The following TRPM3 variants were observed in gnomAD, a reference collection of about 807,000 sequenced individuals.
TRPM3 encodes long transient receptor potential channel 3.
Under a neutral mutation model 181.2 loss-of-function variants are expected in TRPM3, and 77 were observed. That is an observed-to-expected ratio of 0.42 (90% CI 0.35 to 0.51). TRPM3 has a LOEUF of 0.51. Ranked by LOEUF, TRPM3 falls within the 20% of genes least tolerant of loss-of-function variation. The pLI is 0.01. For synonymous variants in TRPM3, 745 were observed against 796.4 expected (o/e 0.94, Z 1.09); for missense variants, 1,759 against 2,196.7 (o/e 0.80, Z 3.98).
intron 1 of TRPM3, among the ~76,000 whole-genome samples, chr9:71,268,753 C>A (rs372465113): frequency 1.3e-5 from 2 of 152,062 alleles, no homozygotes; most frequent in Non-Finnish European, 2.9e-5. Context: ...ACCCAGGGAA[C>A]GGAGGTTGCA....
intron 1 of TRPM3, among the ~76,000 whole-genome samples, chr9:71,288,797 A>C (rs2085521923): frequency 6.6e-6 from 1 of 152,160 alleles, no homozygotes; most frequent in South Asian, 2.1e-4. Flanking sequence ...CCCAACAGAT[A>C]GGCAGTCAGA....
intron 1 of TRPM3, among the ~76,000 whole-genome samples, chr9:71,346,360 G>A (rs2091293624): frequency 1.3e-5 from 2 of 152,254 alleles, no homozygotes; most frequent in Middle Eastern, 3.4e-3. Context: ...CTTTGTCTCT[G>A]CATCTCACTG....
chr9:71,401,057 G>T (rs2093330735), intron 1 of TRPM3, among the ~76,000 whole-genome samples: 1 of 151,944 alleles, frequency 6.6e-6, no homozygotes, highest in African/African-American at 2.4e-5. Flanking sequence ...AATTGGCCAG[G>T]TGTGATGGCA....
intron 1 of TRPM3, among the ~76,000 whole-genome samples, chr9:71,019,619 T>C (rs1450044162): frequency 1.3e-5 from 2 of 152,016 alleles, no homozygotes; most frequent in East Asian, 1.9e-4. Flanking sequence ...GATTCATGGA[T>C]TGGAATATTG....
intron 1 of TRPM3, among the ~76,000 whole-genome samples, chr9:70,977,593 G>A (rs2097317520): frequency 6.6e-6 from 1 of 152,174 alleles, no homozygotes; most frequent in Non-Finnish European, 1.5e-5. Flanking sequence ...CACACATTAA[G>A]GGCTCAGTCC....
chr9:70,573,620 A>C (rs2132212520), intron 22 of TRPM3, among the ~76,000 whole-genome samples: 1 of 152,280 alleles, frequency 6.6e-6, no homozygotes, highest in South Asian at 2.1e-4. Context: ...AAAACAAAAA[A>C]CAAAAAAACC....
chr9:70,692,759 T>G (rs1461445890), intron 8 of TRPM3, among the ~76,000 whole-genome samples: 1 of 152,242 alleles, frequency 6.6e-6, no homozygotes, highest in Non-Finnish European at 1.5e-5. Context: ...ATTTTCACTT[T>G]CCTGATTTTT....
chr9:70,540,858 A>G (rs1310151360), intron 25 of TRPM3, among the ~76,000 whole-genome samples: 1 of 152,100 alleles, frequency 6.6e-6, no homozygotes, highest in African/African-American at 2.4e-5. Flanking sequence ...GAGTAGCTGG[A>G]ACCACAGGCA....
At chr9:70,940,582 T>TA (rs747688541) in intron 1 of TRPM3, among the ~76,000 whole-genome samples, 1 of 151,942 alleles carries the variant, frequency 6.6e-6, no homozygotes, top group Non-Finnish European at 1.5e-5. Context: ...ACTAAGGAAG[T>TA]AAAAAAAGAA....
At chr9:70,559,152 G>C (rs913668024) in intron 22 of TRPM3, among the ~76,000 whole-genome samples, 5 of 152,130 alleles carry the variant, frequency 3.3e-5, no homozygotes, top group African/African-American at 1.2e-4. Flanking sequence ...CAAGATTTTT[G>C]TCTCTCTTGT....
At chr9:70,628,322 C>A in intron 12 of TRPM3, among the ~76,000 whole-genome samples, 2 of 152,258 alleles carry the variant, frequency 1.3e-5, no homozygotes, top group South Asian at 4.1e-4. Context: ...TCAGCTGCCC[C>A]GGGCTTCTAT....
chr9:71,285,039 G>A (rs1356549646), intron 1 of TRPM3, among the ~76,000 whole-genome samples: 1 of 152,134 alleles, frequency 6.6e-6, no homozygotes, highest in Admixed American at 6.5e-5. Flanking sequence ...CATAGAACAG[G>A]TAAATCCAGA....
At position 71,121,537 on chromosome 9, in the gene TRPM3, G is replaced by A. The variant is rs142112351; in HGVS notation, c.-183C>T. The A allele has an allele frequency of 2.1e-3, 2,878 of 1,391,664 alleles. 6 individuals carry two copies. Among genetic ancestry groups the A allele is most frequent in the Non-Finnish European group, 2.4e-3 (2,574 of 1,076,054 alleles). The allele number at this position is 1,391,664 out of a possible 1,614,324, so 86.2% of individuals were successfully genotyped here. ...ATGGAGGCACACTGCCTGCTGCTTC[G>A]GGGAGGGGATGCACGATTTTGAAGA... On this transcript the variant is annotated 5_prime_UTR_variant, in exon 1 of 26. Coordinates refer to ENST00000677713, the MANE Select transcript of TRPM3 (RefSeq NM_001366145.2).
chr9:71,421,984 ATGT>A (rs1467544674), intron 1 of TRPM3, among the ~76,000 whole-genome samples: 4 of 151,950 alleles, frequency 2.6e-5, no homozygotes, highest in Non-Finnish European at 4.4e-5. Context: ...CTTCTCAAAA[ATGT>A]TGTTTTTTTT....
At chr9:71,318,240 G>T (rs914061893) in intron 1 of TRPM3, among the ~76,000 whole-genome samples, 5 of 152,188 alleles carry the variant, frequency 3.3e-5, no homozygotes. Context: ...TAAAATAGGA[G>T]ATGACATTGT....
chr9:70,699,671 C>T (rs947367777), intron 8 of TRPM3, among the ~76,000 whole-genome samples: 3 of 152,152 alleles, frequency 2.0e-5, no homozygotes, highest in Admixed American at 2.0e-4. Flanking sequence ...AAGATTTGAC[C>T]TCAGATCTGG....
chr9:70,785,104 C>T (rs1326947552), intron 6 of TRPM3, among the ~76,000 whole-genome samples: 1 of 151,988 alleles, frequency 6.6e-6, no homozygotes, highest in Non-Finnish European at 1.5e-5. Flanking sequence ...CTGCCATCTG[C>T]CATTATTGCA....
intron 1 of TRPM3, among the ~76,000 whole-genome samples, chr9:71,366,203 G>C (rs993860479): frequency 6.6e-6 from 1 of 152,126 alleles, no homozygotes; most frequent in African/African-American, 2.4e-5. Flanking sequence ...TTAAGGCCCA[G>C]GTTGTTAAAA....
At chr9:71,134,314 C>G (rs1367511462) in intron 1 of TRPM3, among the ~76,000 whole-genome samples, 1 of 151,912 alleles carries the variant, frequency 6.6e-6, no homozygotes, top group Non-Finnish European at 1.5e-5. Context: ...CCTGTAATCC[C>G]AGCACTTTGG....
Sources: allele counts gnomAD v4.1 joint callset (sites outside exome capture counted in the v4.1 genomes callset), GRCh38; gene constraint gnomAD v4.1.1; transcripts MANE v1.5; gene names NCBI Gene and HGNC (gene_info 2026-07-23, HGNC 2026-07-21).